The following DNAJC6 variants were observed in gnomAD, a reference collection of about 807,000 sequenced individuals.
DNAJC6 encodes the protein auxilin.
DNAJC6 carries 34 observed loss-of-function variants against 110.0 expected under a neutral mutation model. That is an observed-to-expected ratio of 0.31 (90% CI 0.24 to 0.41). The LOEUF (loss-of-function observed/expected upper bound fraction) is 0.41. DNAJC6 is among the 10% of genes least tolerant of loss of function. The pLI, the probability that DNAJC6 is intolerant of heterozygous loss-of-function variation, is 1.00. For synonymous variants in DNAJC6, 406 were observed against 437.2 expected (o/e 0.93, Z 0.89); for missense variants, 1,031 against 1,207.8 (o/e 0.85, Z 2.17).
chr1:65,281,561 C>T (rs1374244226), intron 1 of DNAJC6, among the ~76,000 whole-genome samples: 4 of 152,082 alleles, frequency 2.6e-5, no homozygotes, highest in Non-Finnish European at 5.9e-5. Flanking sequence ...AAAGTTGATG[C>T]ATGTTGTACC....
intron 1 of DNAJC6, among the ~76,000 whole-genome samples, chr1:65,335,243 G>A (rs1364581821): frequency 6.6e-6 from 1 of 151,500 alleles, no homozygotes; most frequent in Non-Finnish European, 1.5e-5. Flanking sequence ...GAGTAGCTGG[G>A]ACTACAGGCG....
chr1:65,309,954 G>A lies in DNAJC6; in HGVS notation c.193+16G>A. ...GACAGCTCAGGTAGCGCTGCCCGAG[G>A]GGAGTGCAGCGCTGAGCCCCGCGCG... On this transcript the variant is annotated intron_variant, in intron 1 of 18. Coordinates refer to ENST00000371069, the MANE Select transcript of DNAJC6 (RefSeq NM_001256864.2). The A allele has an allele frequency of 7.0e-7, 1 of 1,432,074 alleles. No homozygotes were observed. The highest frequency in any genetic ancestry group is 1.5e-5 in the South Asian group (1 of 67,076). The allele number at this position is 1,432,074 out of a possible 1,614,324, so 88.7% of individuals were successfully genotyped here.
chr1:65,398,625 C>T lies in DNAJC6; in HGVS notation c.2039-188C>T, dbSNP rs1307698166. The stretch of plus-strand genomic sequence containing the variant: ...TTCTGTCAAGCCTCATGTGAACAAC[C>T]AGAGGTGAAGGCAGAACATATTGAA... On this transcript the variant is annotated intron_variant, in intron 13 of 18. Transcript: ENST00000371069. 2.0e-5 allele frequency among the ~76,000 whole-genome samples: 3 copies of T among 152,140 alleles called. No homozygotes were observed. In the East Asian group the frequency reaches 5.8e-4, roughly 29 times the overall value.
At chr1:65,342,625 C>T (rs1311367086) in intron 1 of DNAJC6, among the ~76,000 whole-genome samples, 1 of 152,126 alleles carries the variant, frequency 6.6e-6, no homozygotes, top group African/African-American at 2.4e-5. Context: ...CACTTTGCTC[C>T]TCTGTAAAAA....
upstream of DNAJC6, among the ~76,000 whole-genome samples, chr1:65,306,756 C>A (rs555127714): frequency 4.0e-5 from 6 of 151,838 alleles, no homozygotes; most frequent in Admixed American, 3.3e-4. Context: ...TTGTGTTTGA[C>A]CAGTGCCACC....
intron 4 of DNAJC6, among the ~76,000 whole-genome samples, chr1:65,368,726 T>TTCTTCTTCTCCTTCC (rs1464747056): frequency 4.3e-4 from 20 of 46,394 alleles, no homozygotes; most frequent in Non-Finnish European, 4.0e-4. Context: ...CCTCTTCTTC[T>TTCTTCTTCTCCTTCC]TCTTCTTCTT....
chr1:65,334,039 G>GA (rs1025145458), intron 1 of DNAJC6, among the ~76,000 whole-genome samples: 5 of 152,172 alleles, frequency 3.3e-5, no homozygotes, highest in African/African-American at 1.2e-4. Context: ...ACATAATTGA[G>GA]AAAAAGATGG....
intron 1 of DNAJC6, among the ~76,000 whole-genome samples, chr1:65,328,616 A>G (rs1645261235): frequency 6.6e-6 from 1 of 152,248 alleles, no homozygotes; most frequent in Non-Finnish European, 1.5e-5. Context: ...TTCCAACACC[A>G]TAAGGAACCC....
chr1:65,309,237 G>C (rs918825008), upstream of DNAJC6, among the ~76,000 whole-genome samples: 14 of 151,204 alleles, frequency 9.3e-5, no homozygotes, highest in Non-Finnish European at 1.6e-4. Context: ...AACCCACGTC[G>C]TAGTAGTCCC....
chr1:65,288,816 TTG>T (rs1654102302), intron 1 of DNAJC6, among the ~76,000 whole-genome samples: 1 of 152,216 alleles, frequency 6.6e-6, no homozygotes, highest in Admixed American at 6.5e-5. Flanking sequence ...AAATTTATGT[TTG>T]TGAGACCCAT....
upstream of DNAJC6, among the ~76,000 whole-genome samples, chr1:65,309,017 T>A (rs546932839): frequency 2.2e-4 from 34 of 152,314 alleles, no homozygotes; most frequent in African/African-American, 7.9e-4. Flanking sequence ...TTAACATGCA[T>A]TCTTTTTCTG....
chr1:65,349,145 T>C (rs1402674300), intron 1 of DNAJC6, among the ~76,000 whole-genome samples: 2 of 147,294 alleles, frequency 1.4e-5, no homozygotes, highest in Non-Finnish European at 3.0e-5. Flanking sequence ...TATGTAAATA[T>C]ATATATTTGG....
intron 1 of DNAJC6, among the ~76,000 whole-genome samples, chr1:65,283,343 C>T (rs956106677): frequency 3.9e-5 from 6 of 152,132 alleles, no homozygotes; most frequent in African/African-American, 1.2e-4. Flanking sequence ...TTAGTCTGTT[C>T]TCCATCTTTA....
intron 1 of DNAJC6, among the ~76,000 whole-genome samples, chr1:65,344,278 A>G (rs1234495090): frequency 6.6e-6 from 1 of 152,210 alleles, no homozygotes; most frequent in Non-Finnish European, 1.5e-5. Context: ...GATAATGCCT[A>G]CTTTTTATTG....
intron 1 of DNAJC6, among the ~76,000 whole-genome samples, chr1:65,302,099 TA>T (rs1339775778): frequency 5.7e-4 from 17 of 29,988 alleles, no homozygotes; most frequent in African/African-American, 3.3e-3. Context: ...ATTATATATA[TA>T]ATATATAATA....
Position 65,405,877 on chromosome 1 carries a change from T to C in DNAJC6, c.2235T>C (p.Ser745=), listed in dbSNP as rs545677941. ...ATCTCTTTTTTTCTTTAGGTAGTTC[T>C]TCCTTTGCCAGCAAACCCACCACAC... is the stretch of plus-strand genomic sequence containing the variant. ...PFADLGTLGS[S]SFASKPTTPT... is the part of the protein sequence containing the mutation. The change falls in exon 16 of 19, where the codon TCT becomes TCC. Residue 745 remains serine, a synonymous_variant. Coordinates refer to ENST00000371069, the MANE Select transcript of DNAJC6 (RefSeq NM_001256864.2). 1.9e-6 allele frequency: 3 copies of C among 1,600,486 alleles called. No individual in the cohort carries two copies. The highest frequency in any genetic ancestry group is 2.2e-5 in the South Asian group (2 of 89,602).
At chr1:65,322,266 AAAG>A (rs2101418833) in intron 1 of DNAJC6, among the ~76,000 whole-genome samples, 1 of 152,336 alleles carries the variant, frequency 6.6e-6, no homozygotes, top group South Asian at 2.1e-4. Flanking sequence ...AGGTTAATGA[AAAG>A]AATATTTAAA....
At chr1:65,292,257 A>T (rs1355785965) in intron 1 of DNAJC6, among the ~76,000 whole-genome samples, 5 of 149,322 alleles carry the variant, frequency 3.3e-5, no homozygotes, top group Admixed American at 1.3e-4. Context: ...ACCTCAGATG[A>T]TCTACCCACC....
chr1:65,265,289 C>T (rs1653277317), intron 1 of DNAJC6, among the ~76,000 whole-genome samples: 1 of 152,142 alleles, frequency 6.6e-6, no homozygotes, highest in Admixed American at 6.5e-5. Context: ...AATGAATATA[C>T]AGGTTTTCAA....
Sources: allele counts gnomAD v4.1 joint callset (sites outside exome capture counted in the v4.1 genomes callset), GRCh38; gene constraint gnomAD v4.1.1; transcripts MANE v1.5; gene names NCBI Gene and HGNC (gene_info 2026-07-23, HGNC 2026-07-21).